The following CREB5 variants were observed in gnomAD, a reference collection of about 807,000 sequenced individuals.
CREB5 encodes cAMP responsive element binding protein 5, also known as cyclic AMP-responsive element-binding protein 5.
Under a neutral mutation model 57.1 loss-of-function variants are expected in CREB5, and 19 were observed. The ratio of observed to expected loss-of-function variants is 0.33; its 90% CI spans 0.23 to 0.49. CREB5 has a LOEUF of 0.49. CREB5 is among the 20% of genes least tolerant of loss of function. The probability of loss-of-function intolerance (pLI) is 0.99; values close to 1 mark genes in which losing one functional copy is unlikely to be tolerated. For synonymous variants in CREB5, 238 were observed against 238.3 expected (o/e 1.00, Z 0.01); for missense variants, 579 against 671.6 (o/e 0.86, Z 1.52).
chr7:28,537,467 A>T (rs1261976871), intron 4 of CREB5, among the ~76,000 whole-genome samples: 1 of 25,002 alleles, frequency 4.0e-5, no homozygotes, highest in East Asian at 1.3e-3. Context: ...ACCTGATGCA[A>T]ATGCCTCAGA....
At chr7:28,513,189 C>T (rs1393969123) in intron 4 of CREB5, among the ~76,000 whole-genome samples, 1 of 152,212 alleles carries the variant, frequency 6.6e-6, no homozygotes, top group African/African-American at 2.4e-5. Flanking sequence ...TAGCCAGCAT[C>T]GCTGCTCTGT....
intron 1 of CREB5, among the ~76,000 whole-genome samples, chr7:28,419,362 T>G (rs1376893717): frequency 6.6e-6 from 1 of 152,232 alleles, no homozygotes; most frequent in Non-Finnish European, 1.5e-5. Flanking sequence ...TCTGGAGCCA[T>G]CTGTGTTTAA....
chr7:28,513,359 T>A (rs1792798597), intron 4 of CREB5: 1 of 152,236 alleles, frequency 6.6e-6, no homozygotes, highest in African/African-American at 2.4e-5. Flanking sequence ...AAGAATATTC[T>A]GAAACCTAAA....
At chr7:28,611,334 C>T (rs1349312614) in intron 5 of CREB5, among the ~76,000 whole-genome samples, 3 of 151,488 alleles carry the variant, frequency 2.0e-5, no homozygotes, top group Non-Finnish European at 4.4e-5. Context: ...TTGTAAGTCA[C>T]CTAAATATTA....
chr7:28,311,138 CAAAA>C (rs58272820), intron 1 of CREB5, among the ~76,000 whole-genome samples: 23 of 117,612 alleles, frequency 2.0e-4, no homozygotes, highest in African/African-American at 7.2e-4. Context: ...ACTAAAAATA[CAAAA>C]AAAAAAAAAA....
intron 1 of CREB5, among the ~76,000 whole-genome samples, chr7:28,468,048 C>A (rs1463560529): frequency 1.3e-5 from 2 of 152,222 alleles, no homozygotes; most frequent in East Asian, 3.9e-4. Flanking sequence ...TGCGTGGGTA[C>A]AGTGTGAGTT....
At chr7:28,488,080 GCTCTGAGTGATTGCCTTT>G (rs1791646669) in intron 1 of CREB5, 77 bp from the exon 2 acceptor site, 2 of 1,048,552 alleles carry the variant, frequency 1.9e-6, no homozygotes, top group African/African-American at 3.1e-5. Flanking sequence ...TAGAAAGGGG[GCTCTGAGTGATTGCCTTT>G]CTCACGTTGC....
At chr7:28,768,889 G>A (rs1191226437) in intron 7 of CREB5, among the ~76,000 whole-genome samples, 1 of 152,202 alleles carries the variant, frequency 6.6e-6, no homozygotes, top group Non-Finnish European at 1.5e-5. Flanking sequence ...CTTGCATTTA[G>A]GATAGCTTTC....
intron 5 of CREB5, among the ~76,000 whole-genome samples, chr7:28,594,172 A>G (rs1197230761): frequency 1.3e-5 from 2 of 152,220 alleles, no homozygotes; most frequent in African/African-American, 2.4e-5. Context: ...GCTACCCGCT[A>G]GACTCTCTTA....
rs1198330237 is a variant in CREB5, at chr7:28,705,481, C to T, written c.465-13272C>T. On this transcript the variant is annotated intron_variant, in intron 5 of 10. Coordinates refer to ENST00000357727, the MANE Select transcript of CREB5 (RefSeq NM_182898.4). ...GAGCAAGCATAATGTTTTGCATGTT[C>T]TTTAAGTGTACTGTCAGTCACTTTC... is the stretch of plus-strand genomic sequence containing the variant. Among the ~76,000 whole-genome samples the T allele has an allele frequency of 2.0e-5, 3 of 152,082 alleles. No individual in the cohort carries two copies. In the East Asian group the frequency reaches 5.8e-4, roughly 29 times the overall value.
intron 5 of CREB5, among the ~76,000 whole-genome samples, chr7:28,584,645 G>T (rs1317505184): frequency 1.3e-5 from 2 of 152,134 alleles, no homozygotes; most frequent in Admixed American, 1.3e-4. Flanking sequence ...CTAACCTCCA[G>T]AACTGTGAAA....
At chr7:28,763,238 G>A (rs930736569) in intron 7 of CREB5, among the ~76,000 whole-genome samples, 4 of 152,166 alleles carry the variant, frequency 2.6e-5, no homozygotes, top group Non-Finnish European at 4.4e-5. Flanking sequence ...GCACTTAGAT[G>A]TGCCTCTGCA....
chr7:28,802,458 T>C (rs1808430182), intron 7 of CREB5, among the ~76,000 whole-genome samples: 1 of 152,250 alleles, frequency 6.6e-6, no homozygotes, highest in African/African-American at 2.4e-5. Context: ...ATAGTAGCTT[T>C]GATCGTCATT....
intron 1 of CREB5, among the ~76,000 whole-genome samples, chr7:28,370,645 A>G (rs1251986555): frequency 6.6e-6 from 1 of 152,210 alleles, no homozygotes; most frequent in East Asian, 1.9e-4. Flanking sequence ...CACTTTGTAA[A>G]TGATATAAAG....
intron 5 of CREB5, among the ~76,000 whole-genome samples, chr7:28,641,994 A>G (rs1798679038): frequency 1.3e-5 from 2 of 152,224 alleles, no homozygotes; most frequent in Admixed American, 1.3e-4. Flanking sequence ...CACAATGCGA[A>G]GCAAGTTATG....
chr7:28,617,909 G>T (rs1797650533), intron 5 of CREB5, among the ~76,000 whole-genome samples: 1 of 152,174 alleles, frequency 6.6e-6, no homozygotes, highest in Admixed American at 6.5e-5. Context: ...GTGTCATATT[G>T]GCACAGAGAT....
intron 5 of CREB5, among the ~76,000 whole-genome samples, chr7:28,623,290 T>C (rs1401065509): frequency 6.6e-6 from 1 of 152,248 alleles, no homozygotes; most frequent in Non-Finnish European, 1.5e-5. Context: ...CACACATAGA[T>C]GTACCATGTA....
intron 5 of CREB5, among the ~76,000 whole-genome samples, chr7:28,598,255 T>C (rs1796766536): frequency 6.6e-6 from 1 of 152,180 alleles, no homozygotes. Context: ...CATTTTTCTC[T>C]TGCTGCCACC....
intron 5 of CREB5, among the ~76,000 whole-genome samples, chr7:28,582,643 T>C (rs1796162657): frequency 6.6e-6 from 1 of 152,212 alleles, no homozygotes; most frequent in South Asian, 2.1e-4. Flanking sequence ...ATACATTATC[T>C]TCTCTACTAA....
Sources: gnomAD v4.1 joint callset for allele counts (sites outside exome capture counted in the v4.1 genomes callset) on GRCh38, gnomAD v4.1.1 for gene constraint, MANE v1.5 for transcripts, NCBI Gene and HGNC (gene_info 2026-07-23, HGNC 2026-07-21) for gene names.